CDIN1: variants seen among roughly 807,000 people sequenced by gnomAD.
The protein encoded by CDIN1 is CDAN1-interacting nuclease 1.
CDIN1 carries 33 observed loss-of-function variants against 45.3 expected under a neutral mutation model. That is an observed-to-expected ratio of 0.73 (90% CI 0.55 to 0.97). The LOEUF (loss-of-function observed/expected upper bound fraction) is 0.97. CDIN1 is among the 50% of genes least tolerant of loss of function. The pLI is 0.00. For missense variants in CDIN1, 303 were observed against 339.4 expected (o/e 0.89, Z 0.84); for synonymous variants, 118 against 124.4 (o/e 0.95, Z 0.34).
chr15:36,753,296 G>A (rs2053524055), intron 10 of CDIN1, among the ~76,000 whole-genome samples: 2 of 152,124 alleles, frequency 1.3e-5, no homozygotes, highest in African/African-American at 4.8e-5. Context: ...AATTTAGCAT[G>A]ACAAAGTTGC....
intron 1 of CDIN1, among the ~76,000 whole-genome samples, chr15:36,640,819 G>A (rs887490168): frequency 1.3e-5 from 2 of 152,188 alleles, no homozygotes; most frequent in African/African-American, 4.8e-5. Flanking sequence ...TTAGCTGGGT[G>A]GACTTGGGAG....
chr15:36,747,725 T>A (rs1445021959), intron 10 of CDIN1, among the ~76,000 whole-genome samples: 1 of 152,162 alleles, frequency 6.6e-6, no homozygotes, highest in African/African-American at 2.4e-5. Flanking sequence ...ATTTCACAAG[T>A]ACTTAGTATT....
chr15:36,741,547 C>T lies in CDIN1; in HGVS notation c.716+31586C>T, dbSNP rs2044239040. 2.0e-5 allele frequency among the ~76,000 whole-genome samples: 3 copies of T among 146,510 alleles called. No homozygotes were observed. The South Asian group carries it at 6.5e-4, about 32-fold the overall frequency. On this transcript the variant is annotated intron_variant, in intron 10 of 10. Transcript: ENST00000566621. ...TCCTAGTTTCCTAGGGTGGTCATAA[C>T]AGAATACCACACAGACTGGGTGGCT...
At chr15:36,759,493 T>TA (rs896423864) in intron 10 of CDIN1, among the ~76,000 whole-genome samples, 146 of 148,864 alleles carry the variant, frequency 9.8e-4, no homozygotes, top group African/African-American at 2.4e-3. Flanking sequence ...TTTTAATTTC[T>TA]AAAAAAAAAA....
At chr15:36,701,430 T>G (rs1393246646) in intron 8 of CDIN1, among the ~76,000 whole-genome samples, 4 of 152,074 alleles carry the variant, frequency 2.6e-5, no homozygotes. Context: ...TTTTAGCAGC[T>G]TTGGACAAAA....
intron 1 of CDIN1, among the ~76,000 whole-genome samples, chr15:36,621,272 G>T: frequency 6.6e-6 from 1 of 152,118 alleles, no homozygotes; most frequent in East Asian, 1.9e-4. Flanking sequence ...GTAAATAGTG[G>T]TTAAAATTAC....
At chr15:36,603,251 C>CTA (rs2038197506) in intron 1 of CDIN1, among the ~76,000 whole-genome samples, 1 of 152,164 alleles carries the variant, frequency 6.6e-6, no homozygotes, top group Non-Finnish European at 1.5e-5. Flanking sequence ...AAGCTAAAGA[C>CTA]ACATTCCCTT....
At chr15:36,673,518 G>C (rs2041528712) in intron 5 of CDIN1, among the ~76,000 whole-genome samples, 1 of 152,018 alleles carries the variant, frequency 6.6e-6, no homozygotes, top group Admixed American at 6.6e-5. Context: ...TGCAACAAAT[G>C]TTGCCTTCTA....
chr15:36,764,477 A>G (rs1012689905), intron 10 of CDIN1, among the ~76,000 whole-genome samples: 1 of 152,208 alleles, frequency 6.6e-6, no homozygotes, highest in Non-Finnish European at 1.5e-5. Flanking sequence ...TTAGTAGGCA[A>G]GAAAATGTTA....
chr15:36,607,841 G>A (rs565548956), intron 1 of CDIN1, among the ~76,000 whole-genome samples: 36 of 152,154 alleles, frequency 2.4e-4, no homozygotes, highest in Non-Finnish European at 4.7e-4. Flanking sequence ...AAGAAACCCA[G>A]TACCCATCAG....
At chr15:36,758,966 C>G (rs1169392093) in intron 10 of CDIN1, among the ~76,000 whole-genome samples, 2 of 152,248 alleles carry the variant, frequency 1.3e-5, no homozygotes, top group Non-Finnish European at 2.9e-5. Flanking sequence ...ATTGTCTTTG[C>G]TTTTGCATTT....
In CDIN1 at chr15:36,808,514, T is replaced by A; in HGVS notation, c.*61T>A. ...GGTGAATCCGGAAGCAATTTTACTT[T>A]CCTGCACTGTAAGATCCTGGCAACA... On this transcript the variant is annotated 3_prime_UTR_variant, in exon 11 of 11. Transcript: ENST00000566621. The A allele has an allele frequency of 6.3e-7, 1 of 1,590,274 alleles. No individual in the cohort carries two copies. Among genetic ancestry groups the A allele is most frequent in the Non-Finnish European group, 8.6e-7 (1 of 1,167,512 alleles).
intron 5 of CDIN1, among the ~76,000 whole-genome samples, chr15:36,680,364 A>T (rs979877810): frequency 7.9e-5 from 12 of 152,226 alleles, no homozygotes; most frequent in Admixed American, 7.9e-4. Flanking sequence ...CAAAAAAGTA[A>T]ATAAGTATTC....
At chr15:36,597,807 A>C (rs2037909171) in intron 1 of CDIN1, among the ~76,000 whole-genome samples, 1 of 152,044 alleles carries the variant, frequency 6.6e-6, no homozygotes, top group African/African-American at 2.4e-5. Flanking sequence ...TTCTCCTGTC[A>C]TCTGATGGTA....
At chr15:36,686,752 GGAGGGACAGAGGGATGGAGGGCA>G (rs1226111353) in intron 5 of CDIN1, among the ~76,000 whole-genome samples, 10 of 149,302 alleles carry the variant, frequency 6.7e-5, no homozygotes, top group Admixed American at 1.3e-4. Context: ...GAGAGAGAAG[GGAGGGACAGAGGGATGGAGGGCA>G]GAGGGACAGA....
intron 5 of CDIN1, among the ~76,000 whole-genome samples, chr15:36,685,036 G>A (rs1377347132): frequency 2.6e-5 from 4 of 152,054 alleles, no homozygotes. Context: ...ACCAGCTCCT[G>A]GATTCATTAA....
intron 10 of CDIN1, among the ~76,000 whole-genome samples, chr15:36,730,247 A>G (rs1214608430): frequency 3.3e-5 from 5 of 152,176 alleles, no homozygotes; most frequent in Non-Finnish European, 4.4e-5. Flanking sequence ...TCTGCAATTT[A>G]ATAGATTACA....
At chr15:36,720,545 G>A (rs1008635691) in intron 10 of CDIN1, among the ~76,000 whole-genome samples, 2 of 151,018 alleles carry the variant, frequency 1.3e-5, no homozygotes, top group Admixed American at 6.7e-5. Flanking sequence ...TTCTGTCCTC[G>A]TGATAGTTTG....
chr15:36,598,636 A>G (rs916793537), intron 1 of CDIN1, among the ~76,000 whole-genome samples: 7 of 152,098 alleles, frequency 4.6e-5, no homozygotes, highest in East Asian at 1.9e-4. Flanking sequence ...AGTGTGAAGA[A>G]TCTCAAGTGC....
Sources: gnomAD v4.1 joint callset for allele counts (sites outside exome capture counted in the v4.1 genomes callset) on GRCh38, gnomAD v4.1.1 for gene constraint, MANE v1.5 for transcripts, NCBI Gene and HGNC (gene_info 2026-07-23, HGNC 2026-07-21) for gene names.